Variants in MYO1E observed in about 807,000 individuals in gnomAD.
MYO1E encodes myosin IE.
In MYO1E, 68 loss-of-function variants were observed where a neutral mutation model predicts 151.1. That is an observed-to-expected ratio of 0.45 (90% CI 0.37 to 0.55). MYO1E has a LOEUF of 0.55. MYO1E is among the 20% of genes least tolerant of loss of function. The pLI is 0.00. For synonymous variants in MYO1E, 601 were observed against 501.7 expected (o/e 1.20, Z -2.64); for missense variants, 1,363 against 1,389.3 (o/e 0.98, Z 0.30).
At chr15:59,262,223 A>T (rs750523796) in intron 2 of MYO1E, among the ~76,000 whole-genome samples, 2 of 151,928 alleles carry the variant, frequency 1.3e-5, no homozygotes. Flanking sequence ...AAAAAATAAA[A>T]AAAAATATTC....
At chr15:59,316,724 G>A (rs917745810) in intron 1 of MYO1E, among the ~76,000 whole-genome samples, 9 of 152,042 alleles carry the variant, frequency 5.9e-5, no homozygotes, top group African/African-American at 1.9e-4. Flanking sequence ...TTTCCATAGC[G>A]AACTTCACAG....
In MYO1E at chr15:59,159,818, T is replaced by C. The variant is rs1010670870; in HGVS notation, c.2785+1255A>G. 2.0e-5 allele frequency among the ~76,000 whole-genome samples: 3 copies of C among 152,158 alleles called. No homozygotes were observed. Among genetic ancestry groups the C allele is most frequent in the African/African-American group, 7.2e-5 (3 of 41,412 alleles). On this transcript the variant is annotated intron_variant, in intron 24 of 27. Coordinates refer to ENST00000288235, the MANE Select transcript of MYO1E (RefSeq NM_004998.4). The surrounding 1 kb of genome is among the most constrained non-coding windows in gnomAD (Gnocchi z 4.4). ...TTAGAGAACATGTTAAGGTGTACCT[T>C]TGCAGACAGATTTGAGAAATGGCTA...
At chr15:59,281,657 C>T (rs2080353988) in intron 1 of MYO1E, among the ~76,000 whole-genome samples, 1 of 152,080 alleles carries the variant, frequency 6.6e-6, no homozygotes, top group South Asian at 2.1e-4. Flanking sequence ...TAACAAGTTT[C>T]CTATAACCAC....
At chr15:59,286,465 A>G (rs1390649512) in intron 1 of MYO1E, among the ~76,000 whole-genome samples, 1 of 152,206 alleles carries the variant, frequency 6.6e-6, no homozygotes, top group Non-Finnish European at 1.5e-5. Flanking sequence ...AAACTCCACA[A>G]GAGTATAAAG....
chr15:59,335,213 G>A (rs1320495349), intron 1 of MYO1E, among the ~76,000 whole-genome samples: 13 of 151,692 alleles, frequency 8.6e-5, no homozygotes, highest in Middle Eastern at 3.4e-3. Flanking sequence ...CAATTTTGAC[G>A]TTCAAATTTA....
At chr15:59,278,106 C>T (rs1165392865) in intron 1 of MYO1E, among the ~76,000 whole-genome samples, 1 of 152,128 alleles carries the variant, frequency 6.6e-6, no homozygotes, top group Non-Finnish European at 1.5e-5. Context: ...CCAGGACTGT[C>T]CTAAGACTGG....
At chr15:59,358,991 T>C (rs1177276152) in intron 1 of MYO1E, among the ~76,000 whole-genome samples, 7 of 152,084 alleles carry the variant, frequency 4.6e-5, no homozygotes, top group East Asian at 1.9e-4. Flanking sequence ...ATGAACCACA[T>C]TGGGGATTTA....
At chr15:59,147,122 C>T (rs1251982303) in intron 26 of MYO1E, among the ~76,000 whole-genome samples, 2 of 152,190 alleles carry the variant, frequency 1.3e-5, no homozygotes, top group Non-Finnish European at 2.9e-5. Flanking sequence ...TGTCAGCTGA[C>T]ATTTGAGTCC....
intron 1 of MYO1E, among the ~76,000 whole-genome samples, chr15:59,280,845 T>G (rs534379980): frequency 1.3e-5 from 2 of 152,274 alleles, no homozygotes; most frequent in South Asian, 4.1e-4. Flanking sequence ...TTATAAAAAT[T>G]TTGATTACTC....
In MYO1E at chr15:59,178,489, C is replaced by T; in HGVS notation, c.1953G>A (p.Glu651=). ...KATWPSWQGE[E]KQGVLHLLQS... ...GCAGCAGGTGCAGGACGCCTTGCTT[C>T]TCCTCTCCCTGCCAAGAAGGCCAGG... Residue 651 remains glutamate (E), a synonymous_variant, in exon 19 of 28, where the codon GAG becomes GAA. Coordinates refer to ENST00000288235, the MANE Select transcript of MYO1E (RefSeq NM_004998.4). 2 of 1,614,154 alleles carry T rather than the reference C, an allele frequency of 1.2e-6. No individual in the cohort carries two copies. Among genetic ancestry groups the T allele is most frequent in the South Asian group, 1.1e-5 (1 of 91,078 alleles).
At chr15:59,186,871 AT>A (rs1323157914) in intron 18 of MYO1E, among the ~76,000 whole-genome samples, 4 of 152,222 alleles carry the variant, frequency 2.6e-5, no homozygotes. Context: ...AGTTAGAGTG[AT>A]GTAACATTTT....
At chr15:59,317,745 G>A (rs1386793742) in intron 1 of MYO1E, among the ~76,000 whole-genome samples, 2 of 152,194 alleles carry the variant, frequency 1.3e-5, no homozygotes, top group African/African-American at 4.8e-5. Flanking sequence ...CAGGGCCTAG[G>A]GGTGCTAAAG....
At chr15:59,230,518 T>A (rs1433822454) in intron 6 of MYO1E, among the ~76,000 whole-genome samples, 7 of 152,114 alleles carry the variant, frequency 4.6e-5, no homozygotes, top group Admixed American at 1.3e-4. Flanking sequence ...TTTATAAGAT[T>A]TAGATTGAAA....
At chr15:59,273,757 A>C (rs1324331839) in intron 1 of MYO1E, among the ~76,000 whole-genome samples, 1 of 152,218 alleles carries the variant, frequency 6.6e-6, no homozygotes, top group East Asian at 1.9e-4. Flanking sequence ...TTACATGACA[A>C]TATTGGAAGA....
At chr15:59,268,718 G>GTTTTTTTTTTTTTTTTTTTTTTTTT (rs1452818863) in intron 2 of MYO1E, among the ~76,000 whole-genome samples, 11 of 12,048 alleles carry the variant, frequency 9.1e-4, no homozygotes, top group Admixed American at 2.1e-3. Flanking sequence ...GGTGACTTTG[G>GTTTTTTTTTTTTTTTTTTTTTTTTT]TATTTTTTTT....
chr15:59,222,605 C>G (rs146836011), intron 9 of MYO1E, among the ~76,000 whole-genome samples: 44 of 152,336 alleles, frequency 2.9e-4, no homozygotes, highest in African/African-American at 9.9e-4. Flanking sequence ...AACTGTGAAG[C>G]TGTGAGCTTC....
chr15:59,202,658 C>T (rs1405802944), intron 15 of MYO1E, among the ~76,000 whole-genome samples: 1 of 152,176 alleles, frequency 6.6e-6, no homozygotes, highest in East Asian at 1.9e-4. Context: ...AATTTTAAAA[C>T]AATGCCTTTC....
intron 17 of MYO1E, among the ~76,000 whole-genome samples, chr15:59,191,505 T>A (rs1264294995): frequency 1.3e-5 from 2 of 152,136 alleles, no homozygotes; most frequent in African/African-American, 4.8e-5. Context: ...CATTTAAAGG[T>A]TCTGCTCATT....
chr15:59,172,104 C>A, intron 21 of MYO1E, 62 bp from the exon 22 acceptor site: 1 of 1,574,820 alleles, frequency 6.3e-7, no homozygotes, highest in Non-Finnish European at 8.6e-7. Context: ...CACCTGTAAT[C>A]CCAGTACTTT....
Sources: gnomAD v4.1 joint callset for allele counts (sites outside exome capture counted in the v4.1 genomes callset) on GRCh38, gnomAD v4.1.1 for gene constraint, Gnocchi (gnomAD v3.1) non-coding constraint, MANE v1.5 for transcripts, NCBI Gene and HGNC (gene_info 2026-07-23, HGNC 2026-07-21) for gene names.